AKAP19: variants seen among roughly 807,000 people sequenced by gnomAD.
AKAP19 encodes the protein small A-kinase anchoring protein.
chr2:190,065,043 A>T, the AKAP19 span, among the ~76,000 whole-genome samples: 1 of 152,148 alleles, frequency 6.6e-6, no homozygotes, highest in South Asian at 2.1e-4. Context: ...TTCCCAGATG[A>T]GGTCAAACAA....
chr2:190,195,740 CAG>C, the AKAP19 span, among the ~76,000 whole-genome samples: 1 of 152,132 alleles, frequency 6.6e-6, no homozygotes, highest in Non-Finnish European at 1.5e-5. Flanking sequence ...ATGTCTTAAA[CAG>C]AGCAGTTTTT....
the AKAP19 span, chr2:190,056,937 T>A: frequency 3.5e-6 from 1 of 287,692 alleles, no homozygotes; most frequent in Non-Finnish European, 6.6e-6. Context: ...TAAAGCATAC[T>A]CCTTTAATTC....
the AKAP19 span, among the ~76,000 whole-genome samples, chr2:189,900,357 A>G: frequency 1.3e-5 from 2 of 152,162 alleles, no homozygotes; most frequent in Non-Finnish European, 2.9e-5. Context: ...GACTTTTTCA[A>G]GAAGATGTTT....
the AKAP19 span, among the ~76,000 whole-genome samples, chr2:190,183,936 G>A: frequency 6.9e-3 from 1,041 of 151,844 alleles, 12 homozygotes; most frequent in African/African-American, 0.023. Flanking sequence ...ATTAGAATAC[G>A]CTATCTATCC....
At chr2:190,131,730 A>G in the AKAP19 span, among the ~76,000 whole-genome samples, 10 of 152,306 alleles carry the variant, frequency 6.6e-5, no homozygotes, top group African/African-American at 2.2e-4. Flanking sequence ...ATCTGATACT[A>G]TCTCCTGTGG....
the AKAP19 span, among the ~76,000 whole-genome samples, chr2:190,162,931 G>T: frequency 6.6e-6 from 1 of 152,080 alleles, no homozygotes; most frequent in Non-Finnish European, 1.5e-5. Context: ...CCACCCAAAA[G>T]AAAAGAATAA....
At chr2:189,923,876 C>T in the AKAP19 span, 60 of 1,611,004 alleles carry the variant, frequency 3.7e-5, no homozygotes, top group Non-Finnish European at 5.9e-6. Context: ...AGATGACCTT[C>T]AGGCCATTAA....
the AKAP19 span, chr2:189,930,955 G>T: frequency 1.2e-6 from 1 of 810,350 alleles, no homozygotes. Flanking sequence ...GTCGGACTGA[G>T]ACTCCTGAAG....
the AKAP19 span, among the ~76,000 whole-genome samples, chr2:190,067,827 C>T: frequency 6.6e-6 from 1 of 152,062 alleles, no homozygotes; most frequent in Non-Finnish European, 1.5e-5. Context: ...GAGCTCTAGT[C>T]TATTTATTAT....
chr2:189,917,092 C>T, the AKAP19 span, among the ~76,000 whole-genome samples: 3 of 152,086 alleles, frequency 2.0e-5, no homozygotes, highest in Non-Finnish European at 2.9e-5. Context: ...ATAACATATA[C>T]TGTAACTCTT....
chr2:189,947,250 A>G, the AKAP19 span, among the ~76,000 whole-genome samples: 1 of 152,192 alleles, frequency 6.6e-6, no homozygotes, highest in Admixed American at 6.5e-5. Context: ...TTGCTCTCTT[A>G]ATTTCCATCC....
the AKAP19 span, among the ~76,000 whole-genome samples, chr2:189,999,569 AAGGG>A: frequency 4.6e-5 from 7 of 152,192 alleles, no homozygotes; most frequent in Non-Finnish European, 1.0e-4. Flanking sequence ...TTTCAGCCTG[AAGGG>A]CTTTCTTTAG....
At chr2:189,909,408 G>A in the AKAP19 span, among the ~76,000 whole-genome samples, 1 of 151,890 alleles carries the variant, frequency 6.6e-6, no homozygotes, top group African/African-American at 2.4e-5. Flanking sequence ...TTTTCTGGCT[G>A]TTTTGTAGAT....
the AKAP19 span, among the ~76,000 whole-genome samples, chr2:189,948,540 G>A: frequency 6.6e-6 from 1 of 152,064 alleles, no homozygotes; most frequent in African/African-American, 2.4e-5. Context: ...TCTCTTCTAG[G>A]CTCTATTTTT....
At chr2:189,963,921 AC>A in the AKAP19 span, among the ~76,000 whole-genome samples, 80 of 152,008 alleles carry the variant, frequency 5.3e-4, no homozygotes, top group Middle Eastern at 3.4e-3. Flanking sequence ...ATGCCACCAC[AC>A]CCAGTTAATT....
the AKAP19 span, among the ~76,000 whole-genome samples, chr2:189,907,742 A>G: frequency 6.6e-6 from 1 of 152,098 alleles, no homozygotes; most frequent in African/African-American, 2.4e-5. Flanking sequence ...AATTTTCATT[A>G]TATTAAGCAA....
At chr2:190,019,421 G>A in the AKAP19 span, among the ~76,000 whole-genome samples, 2 of 152,126 alleles carry the variant, frequency 1.3e-5, no homozygotes, top group African/African-American at 2.4e-5. Flanking sequence ...GACTGGGCAT[G>A]AGGCTGGCCA....
chr2:190,115,584 G>T, the AKAP19 span, among the ~76,000 whole-genome samples: 1 of 151,314 alleles, frequency 6.6e-6, no homozygotes, highest in Non-Finnish European at 1.5e-5. Flanking sequence ...CTCCCAAAGT[G>T]CTGGGATTAC....
chr2:190,003,290 A>C, the AKAP19 span, among the ~76,000 whole-genome samples: 6 of 152,084 alleles, frequency 3.9e-5, no homozygotes, highest in Non-Finnish European at 8.8e-5. Flanking sequence ...ATATTTTTCC[A>C]CATCAGTACC....
Sources: gnomAD v4.1 joint callset for allele counts (sites outside exome capture counted in the v4.1 genomes callset) on GRCh38, gnomAD v4.1.1 for gene constraint, MANE v1.5 for transcripts, NCBI Gene and HGNC (gene_info 2026-07-23, HGNC 2026-07-21) for gene names.